Variants in PTPN13 observed in about 807,000 individuals in gnomAD.
PTPN13 encodes protein tyrosine phosphatase non-receptor type 13.
PTPN13 carries 191 observed loss-of-function variants against 284.0 expected under a neutral mutation model. The observed-to-expected ratio is 0.67, with a 90% CI of 0.60 to 0.76. PTPN13 has a LOEUF of 0.76. PTPN13 is among the 30% of genes least tolerant of loss of function. The pLI is 0.00. For missense variants in PTPN13, 2,797 were observed against 2,939.9 expected, an observed-to-expected ratio of 0.95 and a Z score of 1.12; for synonymous variants, 986 against 1,022.3, an observed-to-expected ratio of 0.96 and a Z score of 0.68.
intron 43 of PTPN13, among the ~76,000 whole-genome samples, 158 bp from the exon 44 acceptor site, chr4:86,805,118 TAAC>T (rs1744511898): frequency 1.3e-5 from 2 of 152,208 alleles, no homozygotes; most frequent in Non-Finnish European, 2.9e-5. Context: ...AATGCTGACT[TAAC>T]AAATCACTAC....
At chr4:86,718,693 C>A (rs931910872) in intron 9 of PTPN13, among the ~76,000 whole-genome samples, 4 of 152,162 alleles carry the variant, frequency 2.6e-5, no homozygotes, top group African/African-American at 9.7e-5. Flanking sequence ...TCAAGTTATC[C>A]ACCCACCTCA....
At chr4:86,761,139 A>AATATATATATATATATATATAT (rs6148556) in intron 23 of PTPN13, among the ~76,000 whole-genome samples, 57 of 120,644 alleles carry the variant, frequency 4.7e-4, no homozygotes, top group East Asian at 1.3e-3. Context: ...TGTGTGTGTA[A>AATATATATATATATATATATAT]ATATATATAT....
At chr4:86,634,185 T>TTA (rs2148717185) in intron 1 of PTPN13, among the ~76,000 whole-genome samples, 1 of 152,290 alleles carries the variant, frequency 6.6e-6, no homozygotes, top group South Asian at 2.1e-4. Flanking sequence ...ACAGATGTTT[T>TTA]TATAGGTTAA....
chr4:86,812,085 C>T (rs1471623362), intron 47 of PTPN13, among the ~76,000 whole-genome samples: 4 of 151,854 alleles, frequency 2.6e-5, no homozygotes, highest in South Asian at 2.1e-4. Flanking sequence ...CCGAGGCGGG[C>T]GGATCACGAG....
At chr4:86,795,677 G>A (rs551034461) in intron 40 of PTPN13, among the ~76,000 whole-genome samples, 32 of 152,158 alleles carry the variant, frequency 2.1e-4, no homozygotes, top group Non-Finnish European at 4.4e-4. Flanking sequence ...AAGAAAATGT[G>A]GCACATATAC....
chr4:86,710,080 C>A (rs527253933), intron 7 of PTPN13, among the ~76,000 whole-genome samples: 1 of 152,238 alleles, frequency 6.6e-6, no homozygotes, highest in African/African-American at 2.4e-5. Context: ...GCTAATCTCC[C>A]AAAATTATTC....
intron 1 of PTPN13, among the ~76,000 whole-genome samples, chr4:86,627,263 A>G (rs1365888715): frequency 1.3e-5 from 2 of 152,170 alleles, no homozygotes; most frequent in East Asian, 3.8e-4. Context: ...TATATTTAAC[A>G]CTACTGAACT....
At chr4:86,787,299 C>T (rs1182787484) in intron 40 of PTPN13, among the ~76,000 whole-genome samples, 2 of 151,932 alleles carry the variant, frequency 1.3e-5, no homozygotes, top group Non-Finnish European at 2.9e-5. Flanking sequence ...ATCTTCAAAA[C>T]TGTTAAGTCC....
intron 9 of PTPN13, among the ~76,000 whole-genome samples, chr4:86,720,662 G>A (rs562426471): frequency 6.7e-4 from 102 of 152,184 alleles, no homozygotes; most frequent in Non-Finnish European, 1.1e-3. Flanking sequence ...ATGCTGGTAC[G>A]TAATCAGGAG....
chr4:86,790,110 G>A (rs542563097), intron 40 of PTPN13, among the ~76,000 whole-genome samples: 18 of 152,194 alleles, frequency 1.2e-4, no homozygotes, highest in Admixed American at 1.2e-3. Context: ...TGGGGAATAA[G>A]AAATCCAAAT....
chr4:86,729,791 C>T (rs1329681573), intron 10 of PTPN13, among the ~76,000 whole-genome samples: 20 of 149,556 alleles, frequency 1.3e-4, no homozygotes, highest in Admixed American at 1.3e-3. Context: ...TGAACATGCT[C>T]CTTTAGCTCA....
intron 2 of PTPN13, among the ~76,000 whole-genome samples, chr4:86,646,540 G>A (rs1229700925): frequency 6.6e-6 from 1 of 152,064 alleles, no homozygotes; most frequent in East Asian, 1.9e-4. Context: ...TCAAATCATC[G>A]GCCTGCCGCA....
intron 3 of PTPN13, among the ~76,000 whole-genome samples, chr4:86,681,914 G>A (rs1305508630): frequency 6.6e-6 from 1 of 151,754 alleles, no homozygotes; most frequent in African/African-American, 2.4e-5. Context: ...GGGCGACAGA[G>A]TGAGTCTGTC....
intron 37 of PTPN13, among the ~76,000 whole-genome samples, chr4:86,782,593 A>G (rs913545871): frequency 1.3e-5 from 2 of 152,210 alleles, no homozygotes; most frequent in African/African-American, 4.8e-5. Context: ...GAAGAATAAT[A>G]TAATTAAGAG....
At chr4:86,627,848 A>G (rs905689492) in intron 1 of PTPN13, among the ~76,000 whole-genome samples, 10 of 152,190 alleles carry the variant, frequency 6.6e-5, no homozygotes, top group African/African-American at 2.2e-4. Flanking sequence ...TTCTTCATTT[A>G]GCATAATTAT....
At chr4:86,655,740 G>A (rs1565246034) in intron 2 of PTPN13, among the ~76,000 whole-genome samples, 1 of 152,070 alleles carries the variant, frequency 6.6e-6, no homozygotes, top group South Asian at 2.1e-4. Context: ...TCTTCTCGAG[G>A]AGTATCTTTG....
chr4:86,666,595 G>C (rs747587406), intron 2 of PTPN13, among the ~76,000 whole-genome samples: 1 of 152,152 alleles, frequency 6.6e-6, no homozygotes, highest in Non-Finnish European at 1.5e-5. Context: ...TGTGAAAACA[G>C]GGTTACAAAA....
In PTPN13 at chr4:86,746,374, G is replaced by A. The variant is rs1736763365; in HGVS notation, c.2650+1246G>A. Reference sequence around the variant, plus strand: ...TTAATGGAATAGCACTGATGACCTTGTGCAGCAGGGTCCTATGAATTCTTT... The same window carrying A: ...TTAATGGAATAGCACTGATGACCTTATGCAGCAGGGTCCTATGAATTCTTT... On this transcript the variant is annotated intron_variant, in intron 17 of 47. Coordinates refer to ENST00000411767, the MANE Select transcript of PTPN13 (RefSeq NM_080683.3). Among the ~76,000 whole-genome samples, 5 of 152,202 alleles carry A rather than the reference G, an allele frequency of 3.3e-5. No homozygotes were observed. In the South Asian group the frequency reaches 8.3e-4, roughly 25 times the overall value.
At chr4:86,646,727 G>C (rs188043118) in intron 2 of PTPN13, among the ~76,000 whole-genome samples, 28 of 152,318 alleles carry the variant, frequency 1.8e-4, no homozygotes, top group Admixed American at 1.6e-3. Flanking sequence ...ACTTAAAAGA[G>C]ATGAAACTGT....
Sources: gnomAD v4.1 joint callset for allele counts (sites outside exome capture counted in the v4.1 genomes callset) on GRCh38, gnomAD v4.1.1 for gene constraint, MANE v1.5 for transcripts, NCBI Gene and HGNC (gene_info 2026-07-23, HGNC 2026-07-21) for gene names.